Variants in PTPN14 observed in about 807,000 individuals in gnomAD.
PTPN14 encodes the protein protein tyrosine phosphatase non-receptor type 14, also known as tyrosine-protein phosphatase non-receptor type 14.
In PTPN14, 53 loss-of-function variants were observed where a neutral mutation model predicts 126.8. The observed-to-expected ratio is 0.42, with a 90% CI of 0.34 to 0.53. The LOEUF is 0.53. PTPN14 is among the 20% of genes least tolerant of loss of function. The pLI is 0.08. For synonymous variants in PTPN14, 630 were observed against 599.3 expected (o/e 1.05, Z -0.75); for missense variants, 1,257 against 1,552.9 (o/e 0.81, Z 3.20).
chr1:214,358,249 G>C (rs1657871111), intron 18 of PTPN14, among the ~76,000 whole-genome samples, 199 bp from the exon 19 acceptor site: 2 of 152,144 alleles, frequency 1.3e-5, no homozygotes, highest in African/African-American at 2.4e-5. Context: ...ATGTGTCACT[G>C]GTGGGATATT....
At chr1:214,469,686 T>C (rs935885651) in intron 1 of PTPN14, among the ~76,000 whole-genome samples, 2 of 151,874 alleles carry the variant, frequency 1.3e-5, no homozygotes, top group African/African-American at 4.8e-5. Flanking sequence ...GAAAGGTCCA[T>C]TAAAAATAAA....
At position 214,351,248 on chromosome 1, in the gene PTPN14, A is replaced by C. The variant is rs1657702025; in HGVS notation, c.*6674T>G. Reference sequence around the variant, plus strand: ...TAATCCCAGCTACTTTGGAGGCTGCACTCCAGCCTGCGCAACAGGAGTGAG... The same window carrying C: ...TAATCCCAGCTACTTTGGAGGCTGCCCTCCAGCCTGCGCAACAGGAGTGAG... On this transcript the variant is annotated 3_prime_UTR_variant, in exon 19 of 19. Transcript: ENST00000366956. The C allele has an allele frequency of 6.8e-6, 1 of 147,908 alleles. No homozygotes were observed. 9.2% of individuals were successfully genotyped at this position (147,908 alleles called of 1,614,324 possible).
At chr1:214,516,089 C>G (rs1390083713) in intron 1 of PTPN14, among the ~76,000 whole-genome samples, 1 of 152,186 alleles carries the variant, frequency 6.6e-6, no homozygotes, top group Non-Finnish European at 1.5e-5. Context: ...CTCCACCTCA[C>G]CCCAGAGGAG....
chr1:214,489,573 T>A (rs189047484), intron 1 of PTPN14, among the ~76,000 whole-genome samples: 1 of 152,198 alleles, frequency 6.6e-6, no homozygotes, highest in Non-Finnish European at 1.5e-5. Flanking sequence ...TCTCTAAGGT[T>A]TGATGCCTCA....
intron 1 of PTPN14, among the ~76,000 whole-genome samples, chr1:214,520,065 A>AAAAATATATATATAT: frequency 2.5e-4 from 18 of 71,100 alleles, no homozygotes; most frequent in Admixed American, 1.1e-3. Flanking sequence ...AAAAAAAAAA[A>AAAAATATATATATAT]ATATATATAT....
chr1:214,371,063 C>G (rs1364424574), intron 16 of PTPN14, among the ~76,000 whole-genome samples: 2 of 152,182 alleles, frequency 1.3e-5, no homozygotes, highest in Non-Finnish European at 2.9e-5. Flanking sequence ...TGCTGAGTGT[C>G]TAAATCAGTT....
At chr1:214,405,732 A>T (rs972820295) in intron 5 of PTPN14, among the ~76,000 whole-genome samples, 2 of 152,198 alleles carry the variant, frequency 1.3e-5, no homozygotes, top group Non-Finnish European at 2.9e-5. Flanking sequence ...CAACTAAATA[A>T]ACAGTTATTG....
At chr1:214,371,227 C>A (rs539946287) in intron 16 of PTPN14, among the ~76,000 whole-genome samples, 1 of 152,216 alleles carries the variant, frequency 6.6e-6, no homozygotes, top group East Asian at 1.9e-4. Flanking sequence ...AAGTAGACCC[C>A]AGTCACTCTC....
chr1:214,452,028 G>T, intron 2 of PTPN14, 54 bp from the exon 3 acceptor site: 4 of 1,552,170 alleles, frequency 2.6e-6, no homozygotes, highest in Non-Finnish European at 3.5e-6. Context: ...GCATCCCAAG[G>T]CCACACAAGA....
chr1:214,398,141 G>A (rs374758925), intron 7 of PTPN14, 140 bp from the exon 8 acceptor site: 2 of 643,902 alleles, frequency 3.1e-6, no homozygotes. Context: ...TGTGTACAAG[G>A]GAGTACCATT....
chr1:214,400,364 A>T (rs1036296936), intron 7 of PTPN14, among the ~76,000 whole-genome samples: 3 of 152,184 alleles, frequency 2.0e-5, no homozygotes, highest in Admixed American at 2.0e-4. Flanking sequence ...GAGAAGAAAA[A>T]GAGGCAGTCC....
At chr1:214,442,507 C>A (rs1660056174) in intron 3 of PTPN14, among the ~76,000 whole-genome samples, 1 of 152,184 alleles carries the variant, frequency 6.6e-6, no homozygotes, top group African/African-American at 2.4e-5. Context: ...TTAAAGAACA[C>A]AAACATTACA....
At chr1:214,475,941 C>T (rs1660857524) in intron 1 of PTPN14, among the ~76,000 whole-genome samples, 1 of 152,172 alleles carries the variant, frequency 6.6e-6, no homozygotes, top group African/African-American at 2.4e-5. Flanking sequence ...CAGCTATGAC[C>T]TTATGATATA....
intron 14 of PTPN14, 56 bp from the exon 15 acceptor site, chr1:214,376,493 AAAC>A: frequency 1.4e-6 from 2 of 1,404,612 alleles, no homozygotes; most frequent in Non-Finnish European, 2.0e-6. Context: ...AAACTCAATG[AAAC>A]AACCAAATTT....
At chr1:214,516,901 C>T (rs996095491) in intron 1 of PTPN14, among the ~76,000 whole-genome samples, 2 of 152,170 alleles carry the variant, frequency 1.3e-5, no homozygotes, top group Admixed American at 1.3e-4. Context: ...TCCACCTACG[C>T]TACGCACCAG....
chr1:214,440,814 T>G (rs191888140), intron 3 of PTPN14, among the ~76,000 whole-genome samples: 1 of 152,332 alleles, frequency 6.6e-6, no homozygotes, highest in East Asian at 1.9e-4. Context: ...CTGCTGACTA[T>G]TAACTCCCTA....
At chr1:214,468,174 G>A (rs1251285149) in intron 1 of PTPN14, among the ~76,000 whole-genome samples, 1 of 152,200 alleles carries the variant, frequency 6.6e-6, no homozygotes, top group East Asian at 1.9e-4. Context: ...GAGAATAGAT[G>A]GAATTGTGTT....
chr1:214,521,570 G>T lies in PTPN14; in HGVS notation c.-155+29613C>A, dbSNP rs188259962. Among the ~76,000 whole-genome samples the T allele has an allele frequency of 2.0e-4, 31 of 152,072 alleles. No homozygotes were observed. The East Asian group carries it at 5.9e-3, about 29-fold the overall frequency. The stretch of plus-strand genomic sequence containing the variant: ...TCTACTAAAAAATACAAAAAATTAG[G>T]TGGGCGTGGTGGCGTGTGCCTGTAA... On this transcript the variant is annotated intron_variant, in intron 1 of 18. Coordinates refer to ENST00000366956, the MANE Select transcript of PTPN14 (RefSeq NM_005401.5).
chr1:214,533,780 T>C (rs969496329), intron 1 of PTPN14, among the ~76,000 whole-genome samples: 20 of 145,778 alleles, frequency 1.4e-4, no homozygotes, highest in Non-Finnish European at 2.4e-4. Flanking sequence ...GAGCTTGCAG[T>C]GAGCCGAGAT....
Sources: gnomAD v4.1 joint callset for allele counts (sites outside exome capture counted in the v4.1 genomes callset) on GRCh38, gnomAD v4.1.1 for gene constraint, MANE v1.5 for transcripts, NCBI Gene and HGNC (gene_info 2026-07-23, HGNC 2026-07-21) for gene names.